The following EPC1 variants were observed in gnomAD, a reference collection of about 807,000 sequenced individuals.
EPC1 encodes the protein enhancer of polycomb 1.
EPC1 carries 12 observed loss-of-function variants against 98.4 expected under a neutral mutation model. The ratio of observed to expected loss-of-function variants is 0.12; its 90% confidence interval spans 0.08 to 0.20. The LOEUF (loss-of-function observed/expected upper bound fraction) is 0.20, where lower values mean the gene tolerates loss of function less well. Ranked by LOEUF, EPC1 falls within the 10% of genes least tolerant of loss-of-function variation. EPC1 has a pLI of 1.00. For missense variants in EPC1, 729 were observed against 990.5 expected (o/e 0.74, Z 3.54); for synonymous variants, 357 against 363.9 (o/e 0.98, Z 0.21).
intron 2 of EPC1, among the ~76,000 whole-genome samples, chr10:32,295,473 G>T (rs1328926106): frequency 6.6e-6 from 1 of 152,000 alleles, no homozygotes; most frequent in Non-Finnish European, 1.5e-5. Flanking sequence ...AAATAAGTAA[G>T]TATTCAGACT....
At chr10:32,274,275 C>G (rs1458299522) in intron 10 of EPC1, among the ~76,000 whole-genome samples, 1 of 152,106 alleles carries the variant, frequency 6.6e-6, no homozygotes, top group Non-Finnish European at 1.5e-5. Context: ...ATCTATAAAT[C>G]ATGCACATTT....
intron 1 of EPC1, among the ~76,000 whole-genome samples, chr10:32,330,042 A>G (rs1030367272): frequency 6.6e-6 from 1 of 152,232 alleles, no homozygotes; most frequent in African/African-American, 2.4e-5. Context: ...TGGAGGTACT[A>G]AAAGGACATA....
chr10:32,318,038 T>TA (rs1836658781), intron 1 of EPC1, among the ~76,000 whole-genome samples: 1 of 152,198 alleles, frequency 6.6e-6, no homozygotes, highest in Non-Finnish European at 1.5e-5. Flanking sequence ...TTTGTACCCC[T>TA]AGCATCCGTT....
At chr10:32,366,083 A>AG (rs369710945) in intron 1 of EPC1, among the ~76,000 whole-genome samples, 1 of 152,196 alleles carries the variant, frequency 6.6e-6, no homozygotes, top group African/African-American at 2.4e-5. Context: ...CAGTGAGCCG[A>AG]GACCATGCCA....
intron 11 of EPC1, 22 bp downstream of exon 11, chr10:32,273,141 A>G (rs779320532): frequency 2.5e-6 from 4 of 1,614,040 alleles, no homozygotes; most frequent in South Asian, 2.2e-5. Flanking sequence ...AGGGATAATC[A>G]TAAGACAGAC....
intron 1 of EPC1, among the ~76,000 whole-genome samples, chr10:32,371,700 A>G (rs2133123888): frequency 6.6e-6 from 1 of 152,236 alleles, no homozygotes; most frequent in East Asian, 1.9e-4. Context: ...AGAGTTCGAG[A>G]CCAGCCTGGC....
chr10:32,368,805 G>T (rs1033314747), intron 1 of EPC1, among the ~76,000 whole-genome samples: 1 of 152,128 alleles, frequency 6.6e-6, no homozygotes, highest in Non-Finnish European at 1.5e-5. Context: ...AAGAAATACA[G>T]AACTTAGAGT....
intron 1 of EPC1, 150 bp downstream of exon 1, chr10:32,346,613 G>A (rs1037695010): frequency 7.8e-6 from 6 of 772,110 alleles, no homozygotes; most frequent in African/African-American, 1.8e-5. Flanking sequence ...CGAGGCTGGG[G>A]GAGGCGGGGT....
intron 2 of EPC1, among the ~76,000 whole-genome samples, chr10:32,302,310 A>T (rs947110770): frequency 1.3e-5 from 2 of 152,032 alleles, no homozygotes; most frequent in African/African-American, 2.4e-5. Context: ...TTATCTTTTT[A>T]AAAACACCTC....
chr10:32,352,333 C>A (rs1839138614), intron 1 of EPC1, among the ~76,000 whole-genome samples: 1 of 152,018 alleles, frequency 6.6e-6, no homozygotes, highest in Admixed American at 6.6e-5. Context: ...AGGAGTGAGC[C>A]ACTGCGCCCC....
At chr10:32,289,994 CTTAA>C (rs1224656772) in intron 6 of EPC1, among the ~76,000 whole-genome samples, 1 of 152,164 alleles carries the variant, frequency 6.6e-6, no homozygotes, top group Admixed American at 6.5e-5. Flanking sequence ...GAAAGTGCCA[CTTAA>C]TTAATGGCTC....
intron 1 of EPC1, among the ~76,000 whole-genome samples, chr10:32,327,239 C>CAACAA (rs915601825): frequency 1.3e-5 from 2 of 152,098 alleles, no homozygotes; most frequent in African/African-American, 4.8e-5. Flanking sequence ...TGTGAAATCT[C>CAACAA]AACAAAACAA....
rs576759461 is a variant in EPC1 at position 32,370,830 on chromosome 10, C to T, written c.3+7661G>A. ...AATAGCCACATGTTACTAGTGAGTACCGTATTGGACAGCACAGTTCTGGAG... is the reference window on the plus strand; with the variant it reads ...AATAGCCACATGTTACTAGTGAGTATCGTATTGGACAGCACAGTTCTGGAG... On this transcript the variant is annotated intron_variant, in intron 1 of 13. Coordinates refer to the EPC1 transcript ENST00000375110. 2.6e-5 allele frequency among the ~76,000 whole-genome samples: 4 copies of T among 152,258 alleles called. No homozygotes were observed. In the South Asian group the frequency reaches 8.3e-4, roughly 32 times the overall value.
At chr10:32,292,836 G>T (rs1485271441) in intron 4 of EPC1, 152 bp downstream of exon 4, 13 of 725,132 alleles carry the variant, frequency 1.8e-5, no homozygotes, top group South Asian at 2.7e-5. Context: ...AACATTAATA[G>T]CTGCATAATA....
chr10:32,300,073 G>A lies in EPC1; in HGVS notation c.313+5699C>T, dbSNP rs549515761. ...ACTACAGGCACCTGCCACCACGCCCGGCTAATTTTTTGTATTTTTAGTAGA... is the reference window on the plus strand; with the variant it reads ...ACTACAGGCACCTGCCACCACGCCCAGCTAATTTTTTGTATTTTTAGTAGA... On this transcript the variant is annotated intron_variant, in intron 2 of 13. Transcript: ENST00000319778. Among the ~76,000 whole-genome samples, 158 of 151,858 alleles carry A rather than the reference G, an allele frequency of 1.0e-3. 1 individual carries two copies. Among genetic ancestry groups the A allele is most frequent in the Non-Finnish European group, 1.2e-3 (80 of 67,934 alleles).
chr10:32,337,741 C>A (rs774688602), intron 1 of EPC1, among the ~76,000 whole-genome samples: 16 of 152,196 alleles, frequency 1.1e-4, no homozygotes, highest in Admixed American at 2.6e-4. Flanking sequence ...TCTTTCATAG[C>A]AGAGCTATTC....
At chr10:32,344,783 T>C (rs1383837201) in intron 1 of EPC1, among the ~76,000 whole-genome samples, 2 of 151,928 alleles carry the variant, frequency 1.3e-5, no homozygotes, top group East Asian at 3.8e-4. Context: ...TGAGACTCCA[T>C]CTCAGAAAAG....
At chr10:32,342,488 G>A (rs1433431252) in intron 1 of EPC1, among the ~76,000 whole-genome samples, 1 of 152,098 alleles carries the variant, frequency 6.6e-6, no homozygotes. Context: ...CTTAACTTGG[G>A]CTTAGTAACA....
intron 2 of EPC1, among the ~76,000 whole-genome samples, chr10:32,299,819 C>T (rs958729101): frequency 6.6e-6 from 1 of 152,168 alleles, no homozygotes; most frequent in Non-Finnish European, 1.5e-5. Context: ...AGCTTAAAGC[C>T]ATGCAAATCT....
Sources: gnomAD v4.1 joint callset for allele counts (sites outside exome capture counted in the v4.1 genomes callset) on GRCh38, gnomAD v4.1.1 for gene constraint, MANE v1.5 for transcripts, NCBI Gene and HGNC (gene_info 2026-07-23, HGNC 2026-07-21) for gene names.